Variants in XPO4 observed in about 807,000 individuals in gnomAD.
XPO4 encodes the protein exportin 4.
A neutral mutation model predicts 143.0 loss-of-function variants in XPO4; 39 were observed. The observed-to-expected ratio is 0.27, with a 90% CI of 0.21 to 0.36. The LOEUF (loss-of-function observed/expected upper bound fraction) is 0.36, where lower values mean the gene tolerates loss of function less well. Ranked by LOEUF, XPO4 falls within the 10% of genes least tolerant of loss-of-function variation. The probability of loss-of-function intolerance (pLI) is 1.00; values close to 1 mark genes in which losing one functional copy is unlikely to be tolerated. For synonymous variants in XPO4, 439 were observed against 474.0 expected, an observed-to-expected ratio of 0.93 and a Z score of 0.96; for missense variants, 907 against 1,348.0, an observed-to-expected ratio of 0.67 and a Z score of 5.12.
chr13:20,851,491 TTGAGCC>T, intron 4 of XPO4: 1 of 943,146 alleles, frequency 1.1e-6, no homozygotes, highest in Non-Finnish European at 1.3e-6. Flanking sequence ...GGCAGATTGC[TTGAGCC>T]TGGAAGTTTG....
chr13:20,795,537 C>T (rs2059346489), intron 18 of XPO4, among the ~76,000 whole-genome samples: 1 of 152,232 alleles, frequency 6.6e-6, no homozygotes, highest in Admixed American at 6.5e-5. Flanking sequence ...GCTAGGTCTT[C>T]AAAGTGTGGG....
intron 4 of XPO4, chr13:20,850,735 A>G: frequency 1.1e-6 from 1 of 928,252 alleles, no homozygotes; most frequent in Non-Finnish European, 1.3e-6. Context: ...ACTGCACTTC[A>G]GCCCAGGCGA....
chr13:20,858,698 C>T (rs1412523555), intron 3 of XPO4, among the ~76,000 whole-genome samples: 2 of 151,140 alleles, frequency 1.3e-5, no homozygotes, highest in African/African-American at 2.4e-5. Flanking sequence ...GGTGAAACCC[C>T]GTCTCTACTA....
chr13:20,895,153 A>G (rs188248495), intron 1 of XPO4, among the ~76,000 whole-genome samples: 86 of 151,706 alleles, frequency 5.7e-4, no homozygotes, highest in Non-Finnish European at 7.2e-4. Context: ...ACTCCAGCCT[A>G]GGCAACAGAG....
chr13:20,809,350 G>T, intron 10 of XPO4, 125 bp from the exon 11 acceptor site: 1 of 1,206,284 alleles, frequency 8.3e-7, no homozygotes, highest in Non-Finnish European at 1.1e-6. Flanking sequence ...GGACACAGCC[G>T]ACCTTTGAGC....
intron 4 of XPO4, chr13:20,850,670 T>A (rs1374450489): frequency 2.2e-6 from 1 of 450,710 alleles, no homozygotes; most frequent in Non-Finnish European, 2.9e-6. Flanking sequence ...GAAGCTGAGG[T>A]GGGAGGATCA....
intron 6 of XPO4, among the ~76,000 whole-genome samples, chr13:20,834,120 A>T (rs1219331307): frequency 6.6e-6 from 1 of 152,164 alleles, no homozygotes; most frequent in Non-Finnish European, 1.5e-5. Flanking sequence ...GAAACTGTGG[A>T]CTTTGCACCA....
intron 16 of XPO4, 124 bp downstream of exon 16, chr13:20,799,039 AAG>A: frequency 2.0e-6 from 2 of 1,008,346 alleles, no homozygotes; most frequent in Non-Finnish European, 2.8e-6. Flanking sequence ...AAAAAAAAGA[AAG>A]AAAGAAAGAA....
Position 20,796,754 on chromosome 13 carries a change from A to C in XPO4, c.2616+10T>G. On this transcript the variant is annotated intron_variant, in intron 17 of 22. Coordinates refer to ENST00000255305, the MANE Select transcript of XPO4 (RefSeq NM_022459.5). Reference sequence around the variant, plus strand: ...TTAATCCTGAGGGGATAAAATTAGAAAGTGCTTACCTCTCCAAGATAGCAT... The same window carrying C: ...TTAATCCTGAGGGGATAAAATTAGACAGTGCTTACCTCTCCAAGATAGCAT... 1 of 1,560,290 alleles carries C rather than the reference A, an allele frequency of 6.4e-7. No homozygotes were observed.
chr13:20,786,773 C>G (rs906830261), intron 22 of XPO4, among the ~76,000 whole-genome samples, 192 bp downstream of exon 22: 1 of 152,142 alleles, frequency 6.6e-6, no homozygotes, highest in African/African-American at 2.4e-5. Context: ...AACTGACAAA[C>G]AGCTGTCAGA....
chr13:20,814,079 G>A (rs1595085181), intron 9 of XPO4, among the ~76,000 whole-genome samples: 1 of 151,038 alleles, frequency 6.6e-6, no homozygotes, highest in East Asian at 1.9e-4. Flanking sequence ...CAAAGCATGT[G>A]CTTTACAGCC....
intron 1 of XPO4, among the ~76,000 whole-genome samples, chr13:20,872,878 C>A (rs1469203329): frequency 6.6e-6 from 1 of 152,084 alleles, no homozygotes; most frequent in East Asian, 1.9e-4. Context: ...AGTTTTCCTC[C>A]AGGACCCAAT....
intron 13 of XPO4, among the ~76,000 whole-genome samples, chr13:20,802,596 T>G (rs1393021182): frequency 4.6e-5 from 7 of 152,222 alleles, no homozygotes; most frequent in Non-Finnish European, 7.3e-5. Flanking sequence ...CACTTTAAAT[T>G]TATGCACTGG....
intron 7 of XPO4, 148 bp from the exon 8 acceptor site, chr13:20,822,437 G>C: frequency 1.5e-6 from 1 of 685,912 alleles, no homozygotes; most frequent in East Asian, 2.8e-5. Flanking sequence ...ATTGAAAATT[G>C]TCCCTCAGTC....
Sources: gnomAD v4.1 joint callset for allele counts (sites outside exome capture counted in the v4.1 genomes callset) on GRCh38, gnomAD v4.1.1 for gene constraint, MANE v1.5 for transcripts, NCBI Gene and HGNC (gene_info 2026-07-23, HGNC 2026-07-21) for gene names.